ASH1L: variants seen among roughly 807,000 people sequenced by gnomAD.
ASH1L encodes histone-lysine N-methyltransferase ASH1L.
In ASH1L, 23 loss-of-function variants were observed where a neutral mutation model predicts 269.0. The ratio of observed to expected loss-of-function variants is 0.09; its 90% CI spans 0.06 to 0.12. The LOEUF (loss-of-function observed/expected upper bound fraction) is 0.12. Ranked by LOEUF, ASH1L falls within the 10% of genes least tolerant of loss-of-function variation. The pLI, the probability that ASH1L is intolerant of heterozygous loss-of-function variation, is 1.00. For synonymous variants in ASH1L, 1,187 were observed against 1,253.5 expected (o/e 0.95, Z 1.12); for missense variants, 2,912 against 3,567.8 (o/e 0.82, Z 4.68).
chr1:155,352,598 A>T, intron 17 of ASH1L, 108 bp downstream of exon 17: 2 of 1,147,428 alleles, frequency 1.7e-6, no homozygotes, highest in Non-Finnish European at 2.4e-6. Flanking sequence ...TGAGCCCAGG[A>T]GTCTGAGACT....
intron 4 of ASH1L, among the ~76,000 whole-genome samples, chr1:155,451,664 A>G (rs1055324230): frequency 6.6e-6 from 1 of 152,034 alleles, no homozygotes; most frequent in Admixed American, 6.6e-5. Flanking sequence ...AGGCTGAGGC[A>G]GGAGAATCGC....
intron 6 of ASH1L, among the ~76,000 whole-genome samples, chr1:155,403,171 G>A (rs1658996963): frequency 6.6e-6 from 1 of 151,582 alleles, no homozygotes; most frequent in South Asian, 2.1e-4. Context: ...GGTGACAAGA[G>A]CGAAACTCCA....
chr1:155,348,015 A>G, intron 19 of ASH1L, 111 bp from the exon 20 acceptor site: 11 of 1,369,128 alleles, frequency 8.0e-6, no homozygotes, highest in Non-Finnish European at 1.1e-5. Flanking sequence ...ATTTTGGTTA[A>G]CAGATTTTCA....
At chr1:155,552,335 G>A (rs557512077) in intron 1 of ASH1L, among the ~76,000 whole-genome samples, 4 of 152,206 alleles carry the variant, frequency 2.6e-5, no homozygotes, top group Non-Finnish European at 4.4e-5. Context: ...GCGTGGTGGC[G>A]CATGCCTGTA....
At chr1:155,550,491 C>A (rs954807272) in intron 1 of ASH1L, among the ~76,000 whole-genome samples, 2 of 152,192 alleles carry the variant, frequency 1.3e-5, no homozygotes, top group Admixed American at 6.5e-5. Context: ...TATCTCCTAT[C>A]ACTATTCCCC....
intron 7 of ASH1L, among the ~76,000 whole-genome samples, chr1:155,382,647 A>T (rs1310117825): frequency 6.6e-6 from 1 of 152,154 alleles, no homozygotes; most frequent in Admixed American, 6.5e-5. Context: ...TTTCAGTAGA[A>T]CAAGACATAC....
chr1:155,494,198 C>G lies in ASH1L; in HGVS notation c.421-11749G>C, dbSNP rs1666997634. ...AAGGAGGTGAAAGACAAAGATGGAT[C>G]CATGTAGGTATGTGGGAAAAAACAG... On this transcript the variant is annotated intron_variant, in intron 2 of 27. Coordinates refer to ENST00000392403, the MANE Select transcript of ASH1L (RefSeq NM_018489.3). Among the ~76,000 whole-genome samples, 4 of 152,214 alleles carry G rather than the reference C, an allele frequency of 2.6e-5. No individual in the cohort carries two copies. In the South Asian group the frequency reaches 8.3e-4, roughly 32 times the overall value.
chr1:155,346,484 A>G lies in ASH1L; in HGVS notation c.7804-15T>C. ...TGCTGCCATACCTGTAGAAAAACAT[A>G]CAGTTTGGGGAACATGGAGGCTATG... On this transcript the variant is annotated splice_polypyrimidine_tract_variant and intron_variant, in intron 20 of 27. Coordinates refer to ENST00000392403, the MANE Select transcript of ASH1L (RefSeq NM_018489.3). 1.2e-6 allele frequency: 2 copies of G among 1,609,988 alleles called. No homozygotes were observed. The highest frequency in any genetic ancestry group is 4.5e-5 in the East Asian group (2 of 44,862).
rs371047526 is a variant in ASH1L at position 155,481,699 on chromosome 1, T to C, written c.1171A>G (p.Ile391Val). 1.9e-6 allele frequency: 3 copies of C among 1,614,170 alleles called. No individual in the cohort carries two copies. The highest frequency in any genetic ancestry group is 2.5e-6 in the Non-Finnish European group (3 of 1,180,026). ...GLVAKDCAKK[I>V]VASSAMGLVN... ...AATCCCATTGCTGAACTTGCTACAA[T>C]CTTCTTTGCACAGTCCTTGGCCACT... Residue 391 changes from isoleucine (I) to valine (V), a missense_variant, in exon 3 of 28, where the codon ATT (isoleucine) becomes GTT (valine). Ile to Val is a conservative substitution (Grantham distance 29). Around this residue, in one of 13 missense-constraint regions of ASH1L, gnomAD observed 277 missense variants for 367.7 expected, o/e 0.75. Coordinates refer to ENST00000392403, the MANE Select transcript of ASH1L (RefSeq NM_018489.3).
At chr1:155,412,278 A>T (rs1659872896) in intron 6 of ASH1L, among the ~76,000 whole-genome samples, 2 of 151,344 alleles carry the variant, frequency 1.3e-5, no homozygotes, top group African/African-American at 4.9e-5. Flanking sequence ...GTGTGGTGAC[A>T]GGTGCCTGTA....
At chr1:155,411,741 T>C (rs1659828076) in intron 6 of ASH1L, among the ~76,000 whole-genome samples, 1 of 149,990 alleles carries the variant, frequency 6.7e-6, no homozygotes, top group South Asian at 2.1e-4. Flanking sequence ...CTGTCTTCCT[T>C]TCACCTACCT....
intron 3 of ASH1L, among the ~76,000 whole-genome samples, chr1:155,462,159 G>T (rs2148678486): frequency 6.6e-6 from 1 of 152,264 alleles, no homozygotes; most frequent in Non-Finnish European, 1.5e-5. Context: ...TATTAAGTGA[G>T]TATAGTTTAT....
At chr1:155,357,979 C>T (rs1259185809) in intron 13 of ASH1L, among the ~76,000 whole-genome samples, 2 of 151,846 alleles carry the variant, frequency 1.3e-5, no homozygotes, top group Non-Finnish European at 1.5e-5. Context: ...CCATGTTGAC[C>T]AGGCTGGTCT....
chr1:155,545,002 GTC>G (rs898582466), intron 1 of ASH1L, among the ~76,000 whole-genome samples: 2 of 150,450 alleles, frequency 1.3e-5, no homozygotes, highest in African/African-American at 4.9e-5. Flanking sequence ...GAGAAACCCC[GTC>G]TCTACTAAAA....
At position 155,349,424 on chromosome 1, in the gene ASH1L, A is replaced by G; in HGVS notation, c.7457T>C (p.Leu2486Pro). Residue 2486 changes from leucine (L) to proline (P), a missense_variant, in exon 19 of 28, where the codon CTA becomes CCA. This residue lies in a region of ASH1L where 309 missense variants were observed against 435.1 expected (regional missense o/e 0.71). Coordinates refer to ENST00000392403, the MANE Select transcript of ASH1L (RefSeq NM_018489.3). ...CTGCTTCTCTATGGTGATAAGATCT[A>G]GGGGATCAGAGATCTTCTCATAATA... Reference protein sequence around the residue: ...ADYYEKISDPLDLITIEKQIL... With the variant: ...ADYYEKISDPPDLITIEKQIL... 3.1e-6 allele frequency: 5 copies of G among 1,614,126 alleles called. No homozygotes were observed. The highest frequency in any genetic ancestry group is 4.2e-6 in the Non-Finnish European group (5 of 1,179,984).
At chr1:155,341,480 A>G (rs1381442100) in intron 25 of ASH1L, among the ~76,000 whole-genome samples, 1 of 151,668 alleles carries the variant, frequency 6.6e-6, no homozygotes, top group Non-Finnish European at 1.5e-5. Flanking sequence ...CTGGCTCACA[A>G]ATTTTATATA....
chr1:155,548,601 T>A (rs1218147374), intron 1 of ASH1L, among the ~76,000 whole-genome samples: 1 of 152,230 alleles, frequency 6.6e-6, no homozygotes, highest in Non-Finnish European at 1.5e-5. Flanking sequence ...TAGTTAGTAC[T>A]TGTTAGAGTT....
intron 1 of ASH1L, among the ~76,000 whole-genome samples, chr1:155,549,766 G>A (rs1352897631): frequency 6.6e-6 from 1 of 152,014 alleles, no homozygotes; most frequent in African/African-American, 2.4e-5. Context: ...AGATACCGAG[G>A]GATGACTGTA....
chr1:155,447,641 C>T (rs777527494), intron 4 of ASH1L, among the ~76,000 whole-genome samples: 8 of 152,154 alleles, frequency 5.3e-5, no homozygotes, highest in Non-Finnish European at 1.0e-4. Context: ...ATACCTATGC[C>T]TGTTGCCATT....
Sources: gnomAD v4.1 joint callset for allele counts (sites outside exome capture counted in the v4.1 genomes callset) on GRCh38, gnomAD v4.1.1 for gene constraint, gnomAD v4.1.1 regional missense constraint, MANE v1.5 for transcripts, NCBI Gene and HGNC (gene_info 2026-07-23, HGNC 2026-07-21) for gene names.